KCNQ5: variants seen among roughly 807,000 people sequenced by gnomAD.
KCNQ5 encodes potassium voltage-gated channel subfamily Q member 5.
In KCNQ5, 30 loss-of-function variants were observed where a neutral mutation model predicts 98.2. The ratio of observed to expected loss-of-function variants is 0.31; its 90% CI spans 0.23 to 0.41. KCNQ5 has a LOEUF of 0.41. KCNQ5 is among the 10% of genes least tolerant of loss of function. The probability of loss-of-function intolerance (pLI) is 1.00; values close to 1 mark genes in which losing one functional copy is unlikely to be tolerated. For missense variants in KCNQ5, 835 were observed against 1,182.5 expected (o/e 0.71, Z 4.31); for synonymous variants, 458 against 449.4 (o/e 1.02, Z -0.24).
At chr6:72,979,834 T>C (rs1332026345) in intron 1 of KCNQ5, among the ~76,000 whole-genome samples, 2 of 152,198 alleles carry the variant, frequency 1.3e-5, no homozygotes, top group Non-Finnish European at 2.9e-5. Context: ...CTTTGATCCA[T>C]CTTGAATTAA....
chr6:72,926,787 TA>T (rs1765443300), intron 1 of KCNQ5, among the ~76,000 whole-genome samples: 1 of 152,168 alleles, frequency 6.6e-6, no homozygotes, highest in Non-Finnish European at 1.5e-5. Context: ...TTATAAATCA[TA>T]AAAATGTTTA....
intron 1 of KCNQ5, among the ~76,000 whole-genome samples, chr6:72,850,411 G>A (rs1411521460): frequency 6.6e-6 from 1 of 152,116 alleles, no homozygotes; most frequent in African/African-American, 2.4e-5. Flanking sequence ...TTTAGCTCTT[G>A]CTCTAAGATT....
At chr6:72,652,162 T>C (rs1201131175) in intron 1 of KCNQ5, among the ~76,000 whole-genome samples, 2 of 151,714 alleles carry the variant, frequency 1.3e-5, no homozygotes, top group East Asian at 3.9e-4. Flanking sequence ...ATTCCAAATA[T>C]TCTCCGGGAC....
At chr6:73,119,413 G>A (rs1230663137) in intron 7 of KCNQ5, among the ~76,000 whole-genome samples, 1 of 152,100 alleles carries the variant, frequency 6.6e-6, no homozygotes, top group Non-Finnish European at 1.5e-5. Context: ...TGATGGTGAG[G>A]ATCACATAAA....
At chr6:73,140,658 A>T (rs1211799555) in intron 10 of KCNQ5, among the ~76,000 whole-genome samples, 1 of 152,244 alleles carries the variant, frequency 6.6e-6, no homozygotes, top group Non-Finnish European at 1.5e-5. Context: ...GACTGGATCT[A>T]AACTCTAGAA....
intron 1 of KCNQ5, among the ~76,000 whole-genome samples, chr6:72,768,635 A>G (rs190290814): frequency 2.1e-4 from 32 of 152,150 alleles, no homozygotes; most frequent in Admixed American, 2.0e-3. Flanking sequence ...CCTTCATTCA[A>G]CGTAATTGGA....
intron 1 of KCNQ5, among the ~76,000 whole-genome samples, chr6:72,837,765 A>G (rs1308455084): frequency 1.3e-5 from 2 of 152,164 alleles, no homozygotes; most frequent in East Asian, 3.9e-4. Flanking sequence ...TTAAACATAT[A>G]TATGTTTAAA....
chr6:72,860,225 C>T (rs1242577453), intron 1 of KCNQ5, among the ~76,000 whole-genome samples: 1 of 152,198 alleles, frequency 6.6e-6, no homozygotes, highest in Admixed American at 6.5e-5. Context: ...TCCATTTCTA[C>T]TCTAAATTAA....
chr6:72,784,254 G>A (rs1773625863), intron 1 of KCNQ5, among the ~76,000 whole-genome samples: 1 of 152,116 alleles, frequency 6.6e-6, no homozygotes, highest in South Asian at 2.1e-4. Context: ...CTGCTGTTCA[G>A]GGCATTGCAT....
At chr6:72,860,268 T>TA (rs1777709352) in intron 1 of KCNQ5, among the ~76,000 whole-genome samples, 1 of 152,210 alleles carries the variant, frequency 6.6e-6, no homozygotes, top group African/African-American at 2.4e-5. Context: ...ACCTGCAAGG[T>TA]AGCAGACCGT....
chr6:72,657,608 G>A (rs1449201598), intron 1 of KCNQ5, among the ~76,000 whole-genome samples: 2 of 152,132 alleles, frequency 1.3e-5, no homozygotes, highest in African/African-American at 4.8e-5. Flanking sequence ...GTGGTTCCTG[G>A]GAGATGCTCA....
intron 3 of KCNQ5, chr6:73,055,206 C>A: frequency 9.5e-7 from 1 of 1,055,680 alleles, no homozygotes; most frequent in Non-Finnish European, 1.5e-6. Context: ...GGCCATGAGG[C>A]GGCAAAGCAG....
At chr6:72,851,751 A>G (rs1582409749) in intron 1 of KCNQ5, among the ~76,000 whole-genome samples, 1 of 151,854 alleles carries the variant, frequency 6.6e-6, no homozygotes, top group South Asian at 2.1e-4. Flanking sequence ...ACTTTAAGAA[A>G]TTACCTATAC....
intron 1 of KCNQ5, among the ~76,000 whole-genome samples, chr6:72,925,820 C>G (rs991809666): frequency 6.6e-6 from 1 of 152,080 alleles, no homozygotes; most frequent in Non-Finnish European, 1.5e-5. Context: ...GCAATGGGAA[C>G]CTTGTGGGCA....
intron 1 of KCNQ5, among the ~76,000 whole-genome samples, chr6:72,946,671 C>A (rs948525182): frequency 6.6e-6 from 1 of 152,142 alleles, no homozygotes; most frequent in Non-Finnish European, 1.5e-5. Flanking sequence ...TTCTTCTCTG[C>A]CTTAACATTC....
At position 72,984,518 on chromosome 6, in the gene KCNQ5, A is replaced by G. The variant is rs182920534; in HGVS notation, c.399-19390A>G. Among the ~76,000 whole-genome samples the G allele has an allele frequency of 4.6e-5, 7 of 152,262 alleles. No individual in the cohort carries two copies. The East Asian group carries it at 1.4e-3, about 29-fold the overall frequency. ...CCATAGGCGTGAGACCCATCGAGCC[A>G]GACATGGGATATACTCTCCTGGTTT... On this transcript the variant is annotated intron_variant, in intron 1 of 13. Coordinates refer to ENST00000370398, the MANE Select transcript of KCNQ5 (RefSeq NM_019842.4).
At chr6:72,627,087 C>T (rs1417804411) in intron 1 of KCNQ5, among the ~76,000 whole-genome samples, 1 of 152,126 alleles carries the variant, frequency 6.6e-6, no homozygotes, top group Non-Finnish European at 1.5e-5. Flanking sequence ...CAGTCTATTT[C>T]CAACCACGTT....
chr6:73,074,693 T>G (rs1773446997), intron 3 of KCNQ5, among the ~76,000 whole-genome samples: 1 of 151,560 alleles, frequency 6.6e-6, no homozygotes, highest in Non-Finnish European at 1.5e-5. Flanking sequence ...ATCTGTAAAA[T>G]GGGATCTGTG....
At chr6:72,658,259 G>A (rs1354705345) in intron 1 of KCNQ5, among the ~76,000 whole-genome samples, 1 of 151,942 alleles carries the variant, frequency 6.6e-6, no homozygotes, top group Non-Finnish European at 1.5e-5. Flanking sequence ...TTGGTGATGT[G>A]TAAAGAATTT....
Sources: gnomAD v4.1 joint callset for allele counts (sites outside exome capture counted in the v4.1 genomes callset) on GRCh38, gnomAD v4.1.1 for gene constraint, MANE v1.5 for transcripts, NCBI Gene and HGNC (gene_info 2026-07-23, HGNC 2026-07-21) for gene names.